NRG1: variants seen among roughly 807,000 people sequenced by gnomAD.
NRG1 encodes pro-neuregulin-1, membrane-bound isoform.
Under a neutral mutation model 63.8 loss-of-function variants are expected in NRG1, and 18 were observed. The ratio of observed to expected loss-of-function variants is 0.28; its 90% confidence interval spans 0.19 to 0.42. The LOEUF (loss-of-function observed/expected upper bound fraction) is 0.42. Among genes scored for constraint, NRG1 ranks in the 10% least tolerant of loss-of-function variants. NRG1 has a pLI of 1.00. For missense variants in NRG1, 762 were observed against 814.7 expected (o/e 0.94, Z 0.79); for synonymous variants, 302 against 301.3 (o/e 1.00, Z -0.02).
rs970947889 is a variant in NRG1, at chr8:32,074,140, G to T, written c.37+434709G>T. 1.4e-4 allele frequency among the ~76,000 whole-genome samples: 21 copies of T among 152,280 alleles called. No individual in the cohort carries two copies. The East Asian group carries it at 4.1e-3, about 29-fold the overall frequency. On this transcript the variant is annotated intron_variant, in intron 1 of 10. Transcript: ENST00000519301. ...AGAGGTACTATACTAAACCAAGGAT[G>T]CTAAATATAACTTATTAATTTCTGT...
chr8:32,079,360 A>T (rs1327797348), intron 1 of NRG1, among the ~76,000 whole-genome samples: 1 of 152,180 alleles, frequency 6.6e-6, no homozygotes, highest in Admixed American at 6.6e-5. Flanking sequence ...ACTGAACAAA[A>T]GCAATGTCCA....
At chr8:32,535,048 T>C (rs1831819329) in intron 1 of NRG1, among the ~76,000 whole-genome samples, 1 of 152,220 alleles carries the variant, frequency 6.6e-6, no homozygotes, top group Non-Finnish European at 1.5e-5. Flanking sequence ...CATAATCATA[T>C]GGTAAATATT....
chr8:32,620,395 C>G (rs181853091), intron 5 of NRG1, among the ~76,000 whole-genome samples: 1 of 151,808 alleles, frequency 6.6e-6, no homozygotes, highest in Non-Finnish European at 1.5e-5. Flanking sequence ...CAGTTCTCTG[C>G]GATTTGGGGG....
intron 1 of NRG1, among the ~76,000 whole-genome samples, chr8:31,826,019 C>T (rs763868624): frequency 2.6e-5 from 4 of 152,244 alleles, no homozygotes; most frequent in Non-Finnish European, 5.9e-5. Context: ...AAAAGTTCAC[C>T]TCCTTCATGA....
chr8:31,732,215 G>A (rs1280770327), intron 1 of NRG1, among the ~76,000 whole-genome samples: 2 of 152,058 alleles, frequency 1.3e-5, no homozygotes, highest in South Asian at 2.1e-4. Flanking sequence ...CACAGCTGAC[G>A]TTATCACGAT....
At position 32,167,379 on chromosome 8, in the gene NRG1, C is replaced by A. The variant is rs1394546499; in HGVS notation, c.38-428449C>A. ...TATATCCTCAGTGTCTAGAAAAATG[C>A]TTAGCATATTGCAGGCACTCTGCAA... is the stretch of plus-strand genomic sequence containing the variant. On this transcript the variant is annotated intron_variant, in intron 1 of 10. Transcript: ENST00000519301. Among the ~76,000 whole-genome samples, 5 of 152,116 alleles carry A rather than the reference C, an allele frequency of 3.3e-5. No homozygotes were observed. In the South Asian group the frequency reaches 6.2e-4, roughly 19 times the overall value.
At chr8:32,390,602 T>TAAAAAAAAAAAA (rs66980062) in intron 1 of NRG1, among the ~76,000 whole-genome samples, 2 of 130,642 alleles carry the variant, frequency 1.5e-5, no homozygotes, top group Non-Finnish European at 1.6e-5. Flanking sequence ...GACCCTGTCT[T>TAAAAAAAAAAAA]AAAAAAAAAA....
chr8:31,918,890 G>T (rs1326119720), intron 1 of NRG1, among the ~76,000 whole-genome samples: 1 of 152,064 alleles, frequency 6.6e-6, no homozygotes, highest in Non-Finnish European at 1.5e-5. Flanking sequence ...TTCTGTTATT[G>T]GTGTATTCAG....
At chr8:32,250,737 CT>C (rs5890632) in intron 1 of NRG1, among the ~76,000 whole-genome samples, 102,280 of 151,622 alleles carry the variant, frequency 0.67, 34,940 homozygotes, top group Admixed American at 0.76. Context: ...GCCTTCTGGT[CT>C]TTTTTTTCAC....
chr8:32,457,233 G>C (rs1343247658), intron 1 of NRG1, among the ~76,000 whole-genome samples: 1 of 152,152 alleles, frequency 6.6e-6, no homozygotes, highest in East Asian at 1.9e-4. Flanking sequence ...TAGTTGCATT[G>C]ATCTGTCCAT....
chr8:32,562,409 G>A (rs939716052), intron 1 of NRG1, among the ~76,000 whole-genome samples: 8 of 151,954 alleles, frequency 5.3e-5, no homozygotes, highest in Non-Finnish European at 8.8e-5. Flanking sequence ...CACCATGCTC[G>A]GTTATTTTTT....
intron 1 of NRG1, among the ~76,000 whole-genome samples, chr8:32,440,347 T>A (rs1478711108): frequency 6.6e-6 from 1 of 151,912 alleles, no homozygotes; most frequent in Non-Finnish European, 1.5e-5. Context: ...AGATATGGAG[T>A]GTCACTATGT....
At chr8:32,129,940 G>A (rs2058737692) in intron 1 of NRG1, among the ~76,000 whole-genome samples, 1 of 151,870 alleles carries the variant, frequency 6.6e-6, no homozygotes, top group Non-Finnish European at 1.5e-5. Context: ...TGGATGACAA[G>A]AAATTACTGC....
intron 1 of NRG1, among the ~76,000 whole-genome samples, chr8:32,371,991 C>CTTTTTTTT (rs1289943893): frequency 3.1e-5 from 2 of 64,098 alleles, no homozygotes; most frequent in Admixed American, 2.1e-4. Flanking sequence ...TCTTCTTCTT[C>CTTTTTTTT]ATTTTTTTTT....
intron 1 of NRG1, among the ~76,000 whole-genome samples, chr8:32,552,471 A>T (rs1834342215): frequency 6.6e-6 from 1 of 152,154 alleles, no homozygotes; most frequent in Non-Finnish European, 1.5e-5. Flanking sequence ...AGTATCCCAA[A>T]TAGGTAGAAG....
At chr8:32,409,719 C>T (rs28392732) in intron 1 of NRG1, among the ~76,000 whole-genome samples, 29,568 of 152,080 alleles carry the variant, frequency 0.19, 3,728 homozygotes, top group East Asian at 0.73. Flanking sequence ...TTGCACTTCA[C>T]GAAGAGATGA....
chr8:31,700,113 T>C (rs1427555253), intron 1 of NRG1, among the ~76,000 whole-genome samples: 1 of 152,158 alleles, frequency 6.6e-6, no homozygotes, highest in East Asian at 1.9e-4. Context: ...CCCATGTCTC[T>C]TAAAAAAGAG....
chr8:32,245,400 A>T (rs1192278936), intron 1 of NRG1, among the ~76,000 whole-genome samples: 1 of 152,198 alleles, frequency 6.6e-6, no homozygotes, highest in East Asian at 1.9e-4. Flanking sequence ...TTTGGGCAAG[A>T]TAACAGGATC....
chr8:32,278,597 C>T (rs1209500394), intron 1 of NRG1, among the ~76,000 whole-genome samples: 3 of 150,952 alleles, frequency 2.0e-5, no homozygotes, highest in Middle Eastern at 3.7e-3. Flanking sequence ...GCAGCTCTGC[C>T]CATTAGATGA....
Sources: gnomAD v4.1 joint callset for allele counts (sites outside exome capture counted in the v4.1 genomes callset) on GRCh38, gnomAD v4.1.1 for gene constraint, MANE v1.5 for transcripts, NCBI Gene and HGNC (gene_info 2026-07-23, HGNC 2026-07-21) for gene names.